ASTN2: variants seen among roughly 807,000 people sequenced by gnomAD.
The protein encoded by ASTN2 is astrotactin 2, also known as astrotactin-2.
Under a neutral mutation model 139.8 loss-of-function variants are expected in ASTN2, and 54 were observed. That is an observed-to-expected ratio of 0.39 (90% CI 0.31 to 0.48). The LOEUF is 0.48. Ranked by LOEUF, ASTN2 falls within the 20% of genes least tolerant of loss-of-function variation. ASTN2 has a pLI of 0.95. For synonymous variants in ASTN2, 756 were observed against 719.5 expected (o/e 1.05, Z -0.81); for missense variants, 1,565 against 1,725.1 (o/e 0.91, Z 1.64).
At chr9:116,857,233 G>T (rs549545877) in intron 11 of ASTN2, among the ~76,000 whole-genome samples, 1 of 152,196 alleles carries the variant, frequency 6.6e-6, no homozygotes, top group Admixed American at 6.5e-5. Flanking sequence ...TGATAGTTCC[G>T]GGTAGGTGAT....
chr9:116,978,495 G>GCACACA (rs5900243), intron 7 of ASTN2, among the ~76,000 whole-genome samples: 2,792 of 127,666 alleles, frequency 0.022, 92 homozygotes, highest in African/African-American at 0.073. Context: ...TCTCTCTCAC[G>GCACACA]CACACACACA....
At chr9:116,921,849 C>A (rs1045506061) in intron 10 of ASTN2, among the ~76,000 whole-genome samples, 2 of 152,074 alleles carry the variant, frequency 1.3e-5, no homozygotes, top group African/African-American at 4.8e-5. Context: ...CCCCATTATC[C>A]AATAACCTTC....
intron 2 of ASTN2, among the ~76,000 whole-genome samples, chr9:117,253,700 C>A (rs537810842): frequency 1.4e-4 from 21 of 152,268 alleles, no homozygotes; most frequent in African/African-American, 4.6e-4. Context: ...TGCCGGCAGT[C>A]GCTGTCCCTC....
At chr9:116,997,193 C>G (rs1837050069) in intron 7 of ASTN2, among the ~76,000 whole-genome samples, 1 of 152,154 alleles carries the variant, frequency 6.6e-6, no homozygotes, top group Non-Finnish European at 1.5e-5. Context: ...GTAGTTTACC[C>G]TAACCTTCTT....
At chr9:117,161,387 G>GT (rs969279343) in intron 3 of ASTN2, among the ~76,000 whole-genome samples, 11 of 151,628 alleles carry the variant, frequency 7.3e-5, no homozygotes, top group South Asian at 4.2e-4. Flanking sequence ...AAGAAAAGGC[G>GT]TTTTTTTTCT....
At chr9:116,809,508 T>C (rs140216498) in intron 12 of ASTN2, among the ~76,000 whole-genome samples, 49 of 152,240 alleles carry the variant, frequency 3.2e-4, no homozygotes, top group African/African-American at 1.1e-3. Flanking sequence ...AGTAATAAAG[T>C]AATACTCCTC....
intron 1 of ASTN2, among the ~76,000 whole-genome samples, chr9:117,327,642 A>G (rs1456948852): frequency 1.3e-5 from 2 of 152,060 alleles, no homozygotes; most frequent in Non-Finnish European, 2.9e-5. Context: ...TCTGGGGAAG[A>G]TTCACCTGGC....
intron 2 of ASTN2, among the ~76,000 whole-genome samples, chr9:117,248,968 T>A (rs546506314): frequency 6.6e-6 from 1 of 152,318 alleles, no homozygotes; most frequent in African/African-American, 2.4e-5. Context: ...TTTCCACATA[T>A]GTACAATGGG....
At chr9:116,489,060 T>C (rs1849427845) in intron 19 of ASTN2, among the ~76,000 whole-genome samples, 1 of 152,048 alleles carries the variant, frequency 6.6e-6, no homozygotes, top group African/African-American at 2.4e-5. Context: ...TGATAGAGAG[T>C]TCCTCAGAGC....
chr9:116,773,012 G>A (rs1829994324), intron 13 of ASTN2, among the ~76,000 whole-genome samples: 1 of 151,988 alleles, frequency 6.6e-6, no homozygotes, highest in South Asian at 2.1e-4. Flanking sequence ...GGAATGGAAA[G>A]CGAAGAAACT....
intron 19 of ASTN2, among the ~76,000 whole-genome samples, chr9:116,615,041 A>C (rs1411795722): frequency 1.3e-5 from 2 of 152,228 alleles, no homozygotes; most frequent in Non-Finnish European, 2.9e-5. Flanking sequence ...AAAATCAAAC[A>C]AACACATCAA....
chr9:116,940,631 C>T (rs1313619073), intron 10 of ASTN2, among the ~76,000 whole-genome samples: 1 of 152,094 alleles, frequency 6.6e-6, no homozygotes, highest in Non-Finnish European at 1.5e-5. Context: ...AGTGTTACTA[C>T]AAGTCAAAAA....
intron 3 of ASTN2, among the ~76,000 whole-genome samples, chr9:117,160,306 G>A (rs1280427383): frequency 1.3e-5 from 2 of 152,036 alleles, no homozygotes; most frequent in Non-Finnish European, 2.9e-5. Context: ...GGAGGCATCT[G>A]TGGTGACACA....
intron 19 of ASTN2, among the ~76,000 whole-genome samples, chr9:116,608,831 T>C (rs1006723680): frequency 3.3e-5 from 5 of 152,130 alleles, no homozygotes; most frequent in African/African-American, 1.2e-4. Flanking sequence ...TTGTCAGGAT[T>C]AGCAAACAAG....
intron 11 of ASTN2, among the ~76,000 whole-genome samples, chr9:116,844,676 T>C (rs1270388598): frequency 6.6e-6 from 1 of 152,224 alleles, no homozygotes; most frequent in Non-Finnish European, 1.5e-5. Context: ...TCCTGATTGT[T>C]ATAAAAGTTG....
At chr9:116,871,090 C>A (rs1014505043) in intron 10 of ASTN2, among the ~76,000 whole-genome samples, 1 of 152,044 alleles carries the variant, frequency 6.6e-6, no homozygotes, top group Admixed American at 6.5e-5. Context: ...AACCCTGTCT[C>A]TACTAAAAAT....
At chr9:117,020,682 T>G (rs145332231) in intron 6 of ASTN2, among the ~76,000 whole-genome samples, 1 of 152,210 alleles carries the variant, frequency 6.6e-6, no homozygotes, top group Admixed American at 6.5e-5. Flanking sequence ...GTGGCAAGAT[T>G]TAGGGCATGC....
intron 19 of ASTN2, among the ~76,000 whole-genome samples, chr9:116,618,022 C>T (rs2131821298): frequency 6.6e-6 from 1 of 152,270 alleles, no homozygotes; most frequent in East Asian, 1.9e-4. Context: ...AGCATGAGTC[C>T]TGCAGGCCTT....
chr9:116,719,748 G>C (rs2132108167), intron 16 of ASTN2, among the ~76,000 whole-genome samples: 1 of 152,140 alleles, frequency 6.6e-6, no homozygotes, highest in South Asian at 2.1e-4. Context: ...TAATGTTGCA[G>C]AAGAGGATGA....
Sources: allele counts gnomAD v4.1 joint callset (sites outside exome capture counted in the v4.1 genomes callset), GRCh38; gene constraint gnomAD v4.1.1; transcripts MANE v1.5; gene names NCBI Gene and HGNC (gene_info 2026-07-23, HGNC 2026-07-21).